The following CEP120 variants were observed in gnomAD, a reference collection of about 807,000 sequenced individuals.
CEP120 encodes centrosomal protein of 120 kDa.
Under a neutral mutation model 126.5 loss-of-function variants are expected in CEP120, and 113 were observed. The ratio of observed to expected loss-of-function variants is 0.89; its 90% confidence interval spans 0.77 to 1.04. The LOEUF (loss-of-function observed/expected upper bound fraction) is 1.04, where lower values mean the gene tolerates loss of function less well. Among genes scored for constraint, CEP120 ranks in the 50% least tolerant of loss-of-function variants. CEP120 has a pLI of 0.00. For missense variants in CEP120, 1,230 were observed against 1,155.7 expected (o/e 1.06, Z -0.93); for synonymous variants, 400 against 394.3 (o/e 1.01, Z -0.17).
intron 1 of CEP120, among the ~76,000 whole-genome samples, chr5:123,419,193 G>C (rs774123934): frequency 6.6e-6 from 1 of 152,176 alleles, no homozygotes; most frequent in Non-Finnish European, 1.5e-5. Context: ...GAGTAGGAAT[G>C]ATCTCAACAA....
chr5:123,383,290 G>A (rs1174370916), intron 11 of CEP120, among the ~76,000 whole-genome samples: 4 of 151,844 alleles, frequency 2.6e-5, no homozygotes, highest in Non-Finnish European at 4.4e-5. Context: ...CTAAATACAC[G>A]CATACATTTA....
chr5:123,409,201 G>A (rs1773881854), intron 4 of CEP120, among the ~76,000 whole-genome samples: 1 of 152,074 alleles, frequency 6.6e-6, no homozygotes, highest in South Asian at 2.1e-4. Context: ...ATCAATAGAT[G>A]CAGAAAAAGT....
chr5:123,372,355 G>C (rs1006922541), intron 17 of CEP120, among the ~76,000 whole-genome samples: 2 of 152,034 alleles, frequency 1.3e-5, no homozygotes, highest in African/African-American at 2.4e-5. Flanking sequence ...TCCCTATCCT[G>C]CCCATATTCT....
At position 123,393,809 on chromosome 5, in the gene CEP120, A is replaced by G. The variant is rs539605216; in HGVS notation, c.613-312T>C. Among the ~76,000 whole-genome samples, 439 of 152,334 alleles carry G rather than the reference A, an allele frequency of 2.9e-3. 4 individuals carry two copies. The highest frequency in any genetic ancestry group is 0.01 in the African/African-American group (422 of 41,580). ...AGAAGAAAGAGATTAAATATTTCAAACTGAGCTTTCCTTATTTTCACATAT... is the reference window on the plus strand; with the variant it reads ...AGAAGAAAGAGATTAAATATTTCAAGCTGAGCTTTCCTTATTTTCACATAT... On this transcript the variant is annotated intron_variant, in intron 5 of 19. Coordinates refer to ENST00000306467, the MANE Select transcript of CEP120 (RefSeq NM_001375405.1).
intron 18 of CEP120, among the ~76,000 whole-genome samples, chr5:123,360,065 G>A (rs1026817028): frequency 1.3e-5 from 2 of 151,902 alleles, no homozygotes; most frequent in Admixed American, 6.6e-5. Flanking sequence ...TTACAGCCCC[G>A]TGGCTATTCA....
At chr5:123,359,245 C>A (rs1379131834) in intron 18 of CEP120, among the ~76,000 whole-genome samples, 3 of 152,006 alleles carry the variant, frequency 2.0e-5, no homozygotes, top group Non-Finnish European at 4.4e-5. Flanking sequence ...GACCCACAAT[C>A]CTTCCCAAAA....
At chr5:123,382,375 T>A (rs1050617279) in intron 13 of CEP120, among the ~76,000 whole-genome samples, 175 bp from the exon 14 acceptor site, 1 of 151,358 alleles carries the variant, frequency 6.6e-6, no homozygotes, top group Non-Finnish European at 1.5e-5. Flanking sequence ...TAATGCCCAT[T>A]TGAGTTCACT....
Position 123,400,965 on chromosome 5 carries a change from CGT to C in CEP120, c.464-1683_464-1682del, listed in dbSNP as rs1283677725. 13 of 1,519,232 alleles carry C rather than the reference CGT, an allele frequency of 8.6e-6. No individual in the cohort carries two copies. The African/African-American group carries it at 1.5e-4, about 18-fold the overall frequency. 94.1% of individuals were successfully genotyped at this position (1,519,232 alleles called of 1,614,324 possible). Reference sequence around the variant, plus strand: ...GGACTCGGACACCAGCTTCCCATCACGTGTCTCGATCTTCACAACCACGGCCC... The same window carrying C: ...GGACTCGGACACCAGCTTCCCATCACGTCTCGATCTTCACAACCACGGCCC... On this transcript the variant is annotated intron_variant, in intron 4 of 19. Coordinates refer to ENST00000306467, the MANE Select transcript of CEP120 (RefSeq NM_001375405.1).
intron 18 of CEP120, among the ~76,000 whole-genome samples, chr5:123,356,135 A>G (rs1308261726): frequency 2.6e-5 from 4 of 152,020 alleles, no homozygotes; most frequent in Admixed American, 2.0e-4. Context: ...CCATTGGTCT[A>G]TATCTCTGTT....
chr5:123,390,412 G>A (rs186269049), intron 7 of CEP120: 3 of 518,200 alleles, frequency 5.8e-6, no homozygotes, highest in East Asian at 4.9e-5. Flanking sequence ...AGGCATAGGT[G>A]TCCCCGGGAA....
At position 123,423,003 on chromosome 5, in the gene CEP120, G is replaced by A; in HGVS notation, c.-5C>T. On this transcript the variant is annotated 5_prime_UTR_variant, in exon 1 of 20. Transcript: ENST00000306467. ...TTGGTCGGATTTGGAGACCATGGTT[G>A]CGGTGAGCGGTCCGGGGGCGAAGGC... The A allele has an allele frequency of 3.7e-6, 6 of 1,614,000 alleles. No individual in the cohort carries two copies. The highest frequency in any genetic ancestry group is 5.1e-6 in the Non-Finnish European group (6 of 1,179,918).
In CEP120 at chr5:123,390,071, TG is replaced by T; in HGVS notation, c.1107del (p.Ile370Ter). 2 of 1,614,154 alleles carry T rather than the reference TG, an allele frequency of 1.2e-6. No homozygotes were observed. Among genetic ancestry groups the T allele is most frequent in the Non-Finnish European group, 1.7e-6 (2 of 1,179,992 alleles). ...PEHSKKKVLT[P>X]IKEKTLTGPK... ...GGCCCAGTAAGTGTCTTCTCCTTTATGGGGGTTAAAACTTTCTTCTTTGAAT... is the reference window on the plus strand; with the variant it reads ...GGCCCAGTAAGTGTCTTCTCCTTTATGGGGTTAAAACTTTCTTCTTTGAAT... On this transcript the variant is annotated frameshift_variant, in exon 8 of 20. Coordinates refer to ENST00000306467, the MANE Select transcript of CEP120 (RefSeq NM_001375405.1). LOFTEE classifies it high-confidence loss of function.
rs200376887 is a variant in CEP120, at chr5:123,382,325, T to TAAA, written c.2014-128_2014-126dup. ...TTTTTTCAGGCATTCTTTTTTATTC[T>TAAA]AAAAAAAAAAAAAAAAAAAAGGAGG... On this transcript the variant is annotated intron_variant, in intron 13 of 19. Coordinates refer to ENST00000306467, the MANE Select transcript of CEP120 (RefSeq NM_001375405.1). The TAAA allele has an allele frequency of 7.8e-4, 171 of 219,782 alleles. 1 individual carries two copies. The highest frequency in any genetic ancestry group is 2.0e-3 in the African/African-American group (66 of 32,452). The allele number at this position is 219,782 out of a possible 1,614,324, so 13.6% of individuals were successfully genotyped here. A position where few individuals can be genotyped will look rare whatever the true frequency, so the allele number is the denominator to read the frequency against.
In CEP120 at chr5:123,349,980, C is replaced by T. The variant is rs531728977; in HGVS notation, c.2690G>A (p.Arg897Gln). ...ATTTCTTATATCCAACAATTCTTGT[C>T]GCTCGGTTTTTACTGTATCTTTTTC... ...AEEKDTVKTE[R>Q]QELLDIRNEL... Residue 897 changes from arginine (R) to glutamine (Q), a missense_variant, in exon 19 of 20, where the codon CGA becomes CAA. Arg to Gln is a conservative substitution (Grantham distance 43, BLOSUM62 1). Transcript: ENST00000306467. The T allele has an allele frequency of 2.8e-5, 45 of 1,613,678 alleles. No homozygotes were observed. The highest frequency in any genetic ancestry group is 7.7e-5 in the South Asian group (7 of 91,036).
chr5:123,376,075 C>G (rs534282305), intron 16 of CEP120, among the ~76,000 whole-genome samples: 5 of 151,456 alleles, frequency 3.3e-5, no homozygotes, highest in African/African-American at 1.2e-4. Context: ...CAGCTATAAA[C>G]CAGAACAGTT....
intron 17 of CEP120, among the ~76,000 whole-genome samples, chr5:123,368,956 C>T (rs996303639): frequency 1.3e-5 from 2 of 151,684 alleles, no homozygotes; most frequent in Non-Finnish European, 2.9e-5. Context: ...AAAATGTTAC[C>T]TAGGTTTTTT....
Position 123,345,654 on chromosome 5 carries a change from C to CGATT in CEP120, c.*861_*864dup, listed in dbSNP as rs529361483. The stretch of plus-strand genomic sequence containing the variant: ...AGTGAATCTCGTGCGCTTTTGAAAA[C>CGATT]GATTGATTGAAATTAGCGGGAGTAA... On this transcript the variant is annotated 3_prime_UTR_variant, in exon 20 of 20. Transcript: ENST00000306467. 4 of 152,056 alleles carry CGATT rather than the reference C, an allele frequency of 2.6e-5. No homozygotes were observed. The highest frequency in any genetic ancestry group is 7.2e-5 in the African/African-American group (3 of 41,418). 9.4% of individuals were successfully genotyped at this position (152,056 alleles called of 1,614,324 possible). A position where few individuals can be genotyped will look rare whatever the true frequency, so the allele number is the denominator to read the frequency against.
At chr5:123,402,745 G>A (rs1158564415) in intron 4 of CEP120, among the ~76,000 whole-genome samples, 1 of 152,232 alleles carries the variant, frequency 6.6e-6, no homozygotes, top group Non-Finnish European at 1.5e-5. Flanking sequence ...AAGCAAAATG[G>A]TGTATATGTG....
rs1768787026 is a variant in CEP120, at chr5:123,346,000, T to C, written c.*519A>G. 1 of 152,612 alleles carries C rather than the reference T, an allele frequency of 6.6e-6. No individual in the cohort carries two copies. Among genetic ancestry groups the C allele is most frequent in the African/African-American group, 2.4e-5 (1 of 41,458 alleles). 9.5% of individuals were successfully genotyped at this position (152,612 alleles called of 1,614,324 possible). A position where few individuals can be genotyped will look rare whatever the true frequency, so the allele number is the denominator to read the frequency against. ...TCTGTCACCCAACATGTCATGTGGC[T>C]TCTCTGCACTGATCTTGCTTTGTTT... On this transcript the variant is annotated 3_prime_UTR_variant, in exon 20 of 20. Transcript: ENST00000306467.
Sources: gnomAD v4.1 joint callset for allele counts (sites outside exome capture counted in the v4.1 genomes callset) on GRCh38, gnomAD v4.1.1 for gene constraint, MANE v1.5 for transcripts, NCBI Gene and HGNC (gene_info 2026-07-23, HGNC 2026-07-21) for gene names.